Variants in CHM observed in about 807,000 individuals in gnomAD.
CHM encodes CHM Rab escort protein.
A neutral mutation model predicts 49.0 loss-of-function variants in CHM; 10 were observed. That is an observed-to-expected ratio of 0.20 (90% confidence interval 0.13 to 0.35). CHM has a LOEUF of 0.35. CHM is among the 10% of genes least tolerant of loss of function. CHM has a pLI of 1.00. For missense variants in CHM, 455 were observed against 478.4 expected, an observed-to-expected ratio of 0.95 and a Z score of 0.46; for synonymous variants, 184 against 167.5, an observed-to-expected ratio of 1.10 and a Z score of -0.76.
At chrX:85,972,628 G>A (rs190813035) in intron 4 of CHM, among the ~76,000 whole-genome samples, 1,433 of 112,834 alleles carry the variant, frequency 0.013, 9 homozygotes, top group Non-Finnish European at 0.019. Flanking sequence ...GCCCGGGGCC[G>A]GCAGGGCTGG....
At position 85,911,190 on chromosome X, in the gene CHM, T is replaced by TATATATATATATGA. The variant is rs1926973979; in HGVS notation, c.1244+70_1244+71insTCATATATATATAT. 4 of 62,795 alleles carry TATATATATATATGA rather than the reference T, an allele frequency of 6.4e-5. No individual in the cohort carries two copies. In the African/African-American group the frequency reaches 7.0e-4, roughly 11 times the overall value. The allele number at this position is 62,795 out of a possible 1,213,427, so 5.2% of individuals were successfully genotyped here. A position where few individuals can be genotyped will look rare whatever the true frequency, so the allele number is the denominator to read the frequency against. ...ATATATATATGAATATATATATGAATATATATATATGAATATATATATATG... is the reference window on the plus strand; with the variant it reads ...ATATATATATGAATATATATATGAATATATATATATATGAATATATATATGAATATATATATATG... On this transcript the variant is annotated intron_variant, in intron 9 of 14. Transcript: ENST00000357749.
At chrX:85,972,799 G>T (rs1237212912) in intron 4 of CHM, among the ~76,000 whole-genome samples, 2 of 112,273 alleles carry the variant, frequency 1.8e-5, no homozygotes, top group Admixed American at 1.9e-4. Context: ...CCAGAAAGGG[G>T]CTCCCACAGT....
chrX:85,897,032 TATA>T lies in CHM; in HGVS notation c.1414-2751_1414-2749del, dbSNP rs1170493460. ...CATATAATATATAATATATTAATTATATAATAACATAATATATAATACATTACA... is the reference window on the plus strand; with the variant it reads ...CATATAATATATAATATATTAATTATATAACATAATATATAATACATTACA... On this transcript the variant is annotated intron_variant, in intron 11 of 14. Transcript: ENST00000357749. 1.7e-3 allele frequency among the ~76,000 whole-genome samples: 162 copies of T among 95,573 alleles called. 1 individual carries two copies. The highest frequency in any genetic ancestry group is 2.3e-3 in the Admixed American group (18 of 7,780). The allele number at this position is 95,573 out of a possible 115,157, so 83.0% of individuals were successfully genotyped here. A position where few individuals can be genotyped will look rare whatever the true frequency, so the allele number is the denominator to read the frequency against.
rs752441227 is a variant in CHM, at chrX:86,001,500, C to T, written c.117-19691G>A. On this transcript the variant is annotated intron_variant, in intron 2 of 14. Transcript: ENST00000357749. ...GGACAAAAAGTGAGGTGCCAACATC[C>T]GCTTCTGGAAAGGGTCTTAGGAAGC... 6.3e-5 allele frequency among the ~76,000 whole-genome samples: 7 copies of T among 111,487 alleles called. No homozygotes were observed. The South Asian group carries it at 2.7e-3, about 43-fold the overall frequency.
intron 8 of CHM, among the ~76,000 whole-genome samples, chrX:85,934,202 G>C (rs899982413): frequency 3.8e-5 from 4 of 105,970 alleles, no homozygotes; most frequent in Non-Finnish European, 7.7e-5. Flanking sequence ...GGATGGTCTC[G>C]ATCTCCTGAC....
intron 11 of CHM, among the ~76,000 whole-genome samples, chrX:85,899,402 G>T (rs775399054): frequency 5.2e-4 from 58 of 111,139 alleles, no homozygotes; most frequent in Non-Finnish European, 9.2e-4. Flanking sequence ...TTTCCTACCA[G>T]ATTTTTAAAT....
At chrX:85,993,423 T>C (rs1299105026) in intron 2 of CHM, among the ~76,000 whole-genome samples, 2 of 111,540 alleles carry the variant, frequency 1.8e-5, no homozygotes, top group Non-Finnish European at 1.9e-5. Context: ...CTACCACTGC[T>C]GCATTATTTC....
chrX:85,874,523 C>T (rs967178120), intron 13 of CHM, among the ~76,000 whole-genome samples: 3 of 111,421 alleles, frequency 2.7e-5, no homozygotes, highest in African/African-American at 9.8e-5. Context: ...AACAAGAAAG[C>T]CCTATTTCCC....
chrX:86,028,097 G>T (rs1272829396), intron 1 of CHM, among the ~76,000 whole-genome samples: 1 of 111,726 alleles, frequency 9.0e-6, no homozygotes, highest in African/African-American at 3.3e-5. Flanking sequence ...GCTTAATTTG[G>T]CAAGAAAAAA....
At chrX:85,998,936 G>A (rs945182475) in intron 2 of CHM, among the ~76,000 whole-genome samples, 8 of 110,996 alleles carry the variant, frequency 7.2e-5, no homozygotes, top group Non-Finnish European at 1.1e-4. Flanking sequence ...AGATATATAC[G>A]TTGCTTGAAT....
intron 8 of CHM, among the ~76,000 whole-genome samples, chrX:85,947,867 T>C (rs1929500997): frequency 8.9e-6 from 1 of 112,173 alleles, no homozygotes; most frequent in South Asian, 3.7e-4. Flanking sequence ...ATAATTTACA[T>C]GATTTATTTA....
intron 11 of CHM, among the ~76,000 whole-genome samples, chrX:85,896,909 T>C (rs1369402470): frequency 1.0e-5 from 1 of 98,133 alleles, no homozygotes; most frequent in African/African-American, 3.7e-5. Flanking sequence ...ATACATACTA[T>C]ATATAATACA....
chrX:85,947,373 T>C (rs1326509031), intron 8 of CHM, among the ~76,000 whole-genome samples: 4 of 111,820 alleles, frequency 3.6e-5, no homozygotes, highest in Admixed American at 2.8e-4. Context: ...GGTGCTGCCC[T>C]CATGATAATG....
chrX:86,016,095 T>C (rs1443274377), intron 2 of CHM, among the ~76,000 whole-genome samples: 1 of 110,651 alleles, frequency 9.0e-6, no homozygotes, highest in Non-Finnish European at 1.9e-5. Context: ...ATCGCACCAC[T>C]GCACTCTGGC....
chrX:85,871,237 G>T lies in CHM; in HGVS notation c.1770+1815C>A, dbSNP rs1246141582. ...CAGGAGAATGGCATGAACCCAGGAG[G>T]GGGAGCTTGCAGTGAGCCAAGATTG... is the stretch of plus-strand genomic sequence containing the variant. On this transcript the variant is annotated intron_variant, in intron 14 of 14. Coordinates refer to ENST00000357749, the MANE Select transcript of CHM (RefSeq NM_000390.4). Among the ~76,000 whole-genome samples, 3 of 101,113 alleles carry T rather than the reference G, an allele frequency of 3.0e-5. No homozygotes were observed. The East Asian group carries it at 9.6e-4, about 32-fold the overall frequency. The allele number at this position is 101,113 out of a possible 115,157, so 87.8% of individuals were successfully genotyped here.
intron 8 of CHM, among the ~76,000 whole-genome samples, chrX:85,938,751 G>T (rs746382580): frequency 9.1e-6 from 1 of 110,219 alleles, no homozygotes; most frequent in African/African-American, 3.3e-5. Context: ...TCAGTTTAAG[G>T]CCTCCTGAAT....
In CHM at chrX:85,873,345, A is replaced by G. The variant is rs369149860; in HGVS notation, c.1610-133T>C. ...ATCAGAGCTTCGTATGTAAACATTT[A>G]GTAAATTTGCATCTACACACTCTAT... On this transcript the variant is annotated intron_variant, in intron 13 of 14. Coordinates refer to ENST00000357749, the MANE Select transcript of CHM (RefSeq NM_000390.4). The G allele has an allele frequency of 7.3e-5, 34 of 468,337 alleles. No homozygotes were observed. The African/African-American group carries it at 7.4e-4, about 10-fold the overall frequency. 38.6% of individuals were successfully genotyped at this position (468,337 alleles called of 1,213,427 possible).
intron 8 of CHM, among the ~76,000 whole-genome samples, chrX:85,917,324 A>G (rs980954860): frequency 3.6e-5 from 4 of 111,398 alleles, no homozygotes; most frequent in Non-Finnish European, 5.7e-5. Flanking sequence ...GGAGAGGATC[A>G]GGAAAAATAA....
At chrX:85,890,130 C>G (rs1440702893) in intron 12 of CHM, among the ~76,000 whole-genome samples, 1 of 111,030 alleles carries the variant, frequency 9.0e-6, no homozygotes, top group Admixed American at 9.6e-5. Context: ...AATAGAAGAC[C>G]AAACCTCAGC....
Sources: gnomAD v4.1 joint callset for allele counts (sites outside exome capture counted in the v4.1 genomes callset) on GRCh38, gnomAD v4.1.1 for gene constraint, MANE v1.5 for transcripts, NCBI Gene and HGNC (gene_info 2026-07-23, HGNC 2026-07-21) for gene names.